The following CDH4 variants were observed in gnomAD, a reference collection of about 807,000 sequenced individuals.
CDH4 encodes the protein cadherin-4.
In CDH4, 33 loss-of-function variants were observed where a neutral mutation model predicts 86.0. The ratio of observed to expected loss-of-function variants is 0.38; its 90% CI spans 0.29 to 0.51. CDH4 has a LOEUF of 0.51. CDH4 is among the 20% of genes least tolerant of loss of function. CDH4 has a pLI of 0.86. For missense variants in CDH4, 1,114 were observed against 1,307.4 expected (o/e 0.85, Z 2.28); for synonymous variants, 555 against 549.4 (o/e 1.01, Z -0.14).
intron 2 of CDH4, among the ~76,000 whole-genome samples, chr20:61,460,518 G>A (rs1456691438): frequency 6.6e-6 from 1 of 152,226 alleles, no homozygotes; most frequent in African/African-American, 2.4e-5. Flanking sequence ...GCTGGAAGCA[G>A]CCTCATTTTA....
chr20:61,382,920 A>G (rs751852307), intron 2 of CDH4, among the ~76,000 whole-genome samples: 1 of 151,768 alleles, frequency 6.6e-6, no homozygotes, highest in South Asian at 2.1e-4. Context: ...AACTAGGGTT[A>G]GGATATAGAC....
intron 8 of CDH4, among the ~76,000 whole-genome samples, chr20:61,906,791 G>C: frequency 6.6e-6 from 1 of 152,066 alleles, no homozygotes; most frequent in East Asian, 1.9e-4. Context: ...CCCCAGCAGA[G>C]GGAATGGCCC....
At chr20:61,588,239 A>G (rs1011496876) in intron 2 of CDH4, among the ~76,000 whole-genome samples, 10 of 152,232 alleles carry the variant, frequency 6.6e-5, no homozygotes, top group African/African-American at 2.4e-4. Flanking sequence ...GGAAAACTCC[A>G]GATTTTTAAA....
rs560301268 is a variant in CDH4 at position 61,618,373 on chromosome 20, C to T, written c.170-125190C>T. 3.3e-5 allele frequency among the ~76,000 whole-genome samples: 5 copies of T among 152,172 alleles called. No homozygotes were observed. In the South Asian group the frequency reaches 1.0e-3, roughly 32 times the overall value. On this transcript the variant is annotated intron_variant, in intron 2 of 15. Transcript: ENST00000614565. ...GGGGTCCCCTTGGCTGAGATGGGGT[C>T]CGTTCAGCTGGCTGAGGGGATTTTA...
intron 9 of CDH4, among the ~76,000 whole-genome samples, chr20:61,920,227 G>GTGGAAGCATGGTGTCACA (rs2054960097): frequency 6.7e-6 from 1 of 149,676 alleles, no homozygotes; most frequent in Non-Finnish European, 1.5e-5. Context: ...ATGGTGTCAC[G>GTGGAAGCATGGTGTCACA]GTGATTGCAT....
intron 4 of CDH4, among the ~76,000 whole-genome samples, chr20:61,805,217 C>G (rs1197417106): frequency 1.3e-5 from 2 of 152,204 alleles, no homozygotes; most frequent in Non-Finnish European, 2.9e-5. Context: ...CCCCCCATCC[C>G]TACCCAAGCT....
intron 2 of CDH4, among the ~76,000 whole-genome samples, chr20:61,664,806 C>G (rs546932061): frequency 6.6e-6 from 1 of 152,348 alleles, no homozygotes; most frequent in East Asian, 1.9e-4. Flanking sequence ...TCAGCAGACT[C>G]CCAAGAAATC....
At chr20:61,482,764 G>A (rs965132119) in intron 2 of CDH4, among the ~76,000 whole-genome samples, 4 of 152,170 alleles carry the variant, frequency 2.6e-5, no homozygotes, top group African/African-American at 9.7e-5. Context: ...GCAATGAGCC[G>A]AGTTGTTGAT....
chr20:61,282,547 A>ATGTGTGTG (rs71185912), intron 2 of CDH4, among the ~76,000 whole-genome samples: 2,745 of 130,204 alleles, frequency 0.021, 36 homozygotes, highest in East Asian at 0.029. Context: ...GTGTGTGTGC[A>ATGTGTGTG]TGTGTGTGTG....
intron 6 of CDH4, among the ~76,000 whole-genome samples, chr20:61,854,205 G>A (rs1982874875): frequency 1.3e-5 from 2 of 152,172 alleles, no homozygotes; most frequent in South Asian, 4.1e-4. Context: ...CAGAGCCAGG[G>A]CCAGCTCCCA....
chr20:61,637,083 T>C (rs544285053), intron 2 of CDH4, among the ~76,000 whole-genome samples: 5 of 152,222 alleles, frequency 3.3e-5, no homozygotes, highest in Admixed American at 2.0e-4. Context: ...TGTTTTGCCT[T>C]CTTTGCTTTT....
chr20:61,550,189 C>CTTCCCTGGCCTCCCTAGCCTGT (rs577508299), intron 2 of CDH4, among the ~76,000 whole-genome samples: 42 of 146,826 alleles, frequency 2.9e-4, no homozygotes, highest in South Asian at 2.1e-4. Flanking sequence ...CCCTAGCCTG[C>CTTCCCTGGCCTCCCTAGCCTGT]TTCCCTGGCC....
intron 2 of CDH4, among the ~76,000 whole-genome samples, chr20:61,714,021 T>TTTTA (rs1555828911): frequency 5.9e-5 from 8 of 135,976 alleles, no homozygotes; most frequent in South Asian, 5.5e-4. Context: ...GTCTATTCTT[T>TTTTA]TTTTATTTTA....
intron 13 of CDH4, among the ~76,000 whole-genome samples, chr20:61,932,403 C>G (rs975126783): frequency 7.2e-5 from 11 of 152,240 alleles, no homozygotes; most frequent in South Asian, 4.1e-4. Context: ...AACTCATGCA[C>G]ACGCACACAG....
chr20:61,706,702 C>A (rs764838681), intron 2 of CDH4, among the ~76,000 whole-genome samples: 1 of 152,136 alleles, frequency 6.6e-6, no homozygotes, highest in Non-Finnish European at 1.5e-5. Context: ...TGTGTAGAAA[C>A]CACCTTGGCT....
chr20:61,459,055 C>A (rs573674264), intron 2 of CDH4, among the ~76,000 whole-genome samples: 4 of 152,082 alleles, frequency 2.6e-5, no homozygotes, highest in South Asian at 2.1e-4. Flanking sequence ...CACACCTCCC[C>A]CTGGCTGTCT....
At chr20:61,911,476 A>G (rs1216006935) in intron 9 of CDH4, among the ~76,000 whole-genome samples, 1 of 152,204 alleles carries the variant, frequency 6.6e-6, no homozygotes, top group Admixed American at 6.5e-5. Context: ...TTTAGCAGCT[A>G]TTGTCCCAAA....
In CDH4 at chr20:61,396,618, CG is replaced by C. The variant is rs546626026; in HGVS notation, c.169+141683del. The stretch of plus-strand genomic sequence containing the variant: ...CATCCTGAGACCAGCAGACCTGGCC[CG>C]GCTTCCTTGGCCTGGCAACTCCACT... On this transcript the variant is annotated intron_variant, in intron 2 of 15. Transcript: ENST00000614565. 1.0e-3 allele frequency among the ~76,000 whole-genome samples: 159 copies of C among 152,208 alleles called. 1 individual carries two copies. The highest frequency in any genetic ancestry group is 1.9e-3 in the Non-Finnish European group (126 of 68,038).
At chr20:61,877,391 G>C (rs1404547568) in intron 7 of CDH4, among the ~76,000 whole-genome samples, 1 of 137,334 alleles carries the variant, frequency 7.3e-6, no homozygotes, top group African/African-American at 2.8e-5. Flanking sequence ...GCTGTCGGCA[G>C]CTTCAGCGTG....
Sources: gnomAD v4.1 joint callset for allele counts (sites outside exome capture counted in the v4.1 genomes callset) on GRCh38, gnomAD v4.1.1 for gene constraint, MANE v1.5 for transcripts, NCBI Gene and HGNC (gene_info 2026-07-23, HGNC 2026-07-21) for gene names.